Variants in CCDC68 observed in about 807,000 individuals in gnomAD.
CCDC68 encodes the protein coiled-coil domain-containing protein 68.
In CCDC68, 45 loss-of-function variants were observed where a neutral mutation model predicts 47.1. The ratio of observed to expected loss-of-function variants is 0.96; its 90% CI spans 0.75 to 1.23. The LOEUF is 1.23. Among genes scored for constraint, CCDC68 ranks in the 50% most tolerant of loss-of-function variants. The pLI is 0.00. For missense variants in CCDC68, 353 were observed against 373.6 expected (o/e 0.94, Z 0.45); for synonymous variants, 131 against 129.5 (o/e 1.01, Z -0.08).
At chr18:54,914,635 A>G (rs558705509) in intron 10 of CCDC68, among the ~76,000 whole-genome samples, 1 of 152,174 alleles carries the variant, frequency 6.6e-6, no homozygotes, top group South Asian at 2.1e-4. Flanking sequence ...CAAAAAAAGA[A>G]AAAAGAAAAA....
At chr18:54,953,450 T>A (rs2071817810) in intron 1 of CCDC68, among the ~76,000 whole-genome samples, 1 of 152,104 alleles carries the variant, frequency 6.6e-6, no homozygotes, top group African/African-American at 2.4e-5. Context: ...ATTAATTGGA[T>A]TTGTTTTTCT....
chr18:54,934,593 A>T (rs1242907083), intron 7 of CCDC68, among the ~76,000 whole-genome samples: 1 of 152,200 alleles, frequency 6.6e-6, no homozygotes, highest in African/African-American at 2.4e-5. Context: ...TGATGATATG[A>T]CTACAGTATT....
At chr18:54,958,502 T>C (rs2044750127) in intron 1 of CCDC68, among the ~76,000 whole-genome samples, 1 of 152,200 alleles carries the variant, frequency 6.6e-6, no homozygotes, top group South Asian at 2.1e-4. Context: ...TCATCCGAAC[T>C]ATATACACCA....
At chr18:54,946,296 G>A (rs1231987303) in intron 1 of CCDC68, among the ~76,000 whole-genome samples, 2 of 152,272 alleles carry the variant, frequency 1.3e-5, no homozygotes, top group African/African-American at 2.4e-5. Flanking sequence ...GGCAGGCAAC[G>A]CCTAAAATAT....
At position 54,934,855 on chromosome 18, in the gene CCDC68, T is replaced by C; in HGVS notation, c.565A>G (p.Thr189Ala). The C allele has an allele frequency of 6.2e-7, 1 of 1,601,646 alleles. No homozygotes were observed. The highest frequency in any genetic ancestry group is 1.7e-4 in the Middle Eastern group (1 of 6,012). The change falls in exon 7 of 12, where the codon ACA (threonine) becomes GCA (alanine). Residue 189 changes from threonine (T) to alanine (A), a missense_variant. Transcript: ENST00000591504. ...EKLEEKHSQI[T>A]ELENLVQRME... ...CTCTGTACAAGGTTCTCCAATTCTG[T>C]AATTTGACTGTGTTTTTCTTCAAGT...
At chr18:54,937,647 T>C (rs1167900397) in intron 5 of CCDC68, 16 of 227,162 alleles carry the variant, frequency 7.0e-5, no homozygotes, top group Non-Finnish European at 1.3e-4. Context: ...AAGTGTACAG[T>C]ACAGTATTGT....
At chr18:54,907,171 G>C (rs1914061065) in intron 11 of CCDC68, among the ~76,000 whole-genome samples, 1 of 152,096 alleles carries the variant, frequency 6.6e-6, no homozygotes, top group South Asian at 2.1e-4. Context: ...TGAGATTTGA[G>C]CCCAGATTCT....
intron 1 of CCDC68, among the ~76,000 whole-genome samples, chr18:54,955,690 CA>C (rs1003658125): frequency 6.6e-6 from 1 of 152,108 alleles, no homozygotes; most frequent in Admixed American, 6.5e-5. Flanking sequence ...AATGTTCTTG[CA>C]AAGTTAAGAA....
intron 8 of CCDC68, among the ~76,000 whole-genome samples, chr18:54,928,523 T>A (rs1036819665): frequency 2.6e-5 from 4 of 152,142 alleles, no homozygotes; most frequent in African/African-American, 9.7e-5. Context: ...GCTCACTCAC[T>A]CATTCACTCT....
chr18:54,950,625 T>TA (rs1450087161), intron 1 of CCDC68, among the ~76,000 whole-genome samples: 1 of 152,190 alleles, frequency 6.6e-6, no homozygotes, highest in Non-Finnish European at 1.5e-5. Context: ...AGAAAATTCT[T>TA]AGATATAAGA....
At chr18:54,952,007 T>A (rs1283247521) in intron 1 of CCDC68, among the ~76,000 whole-genome samples, 1 of 152,260 alleles carries the variant, frequency 6.6e-6, no homozygotes, top group Admixed American at 6.5e-5. Flanking sequence ...ATGGAGCATC[T>A]GACTTCATGC....
At chr18:54,930,624 C>A (rs2044227834) in intron 7 of CCDC68, among the ~76,000 whole-genome samples, 1 of 28,530 alleles carries the variant, frequency 3.5e-5, no homozygotes, top group Non-Finnish European at 7.1e-5. Flanking sequence ...CCCTTCCCTT[C>A]CCCTCCCTCC....
At chr18:54,927,515 A>T (rs755586200) in intron 8 of CCDC68, among the ~76,000 whole-genome samples, 48 of 152,210 alleles carry the variant, frequency 3.2e-4, no homozygotes, top group Non-Finnish European at 5.9e-4. Context: ...GATGCGTACA[A>T]ATCAGTAGTT....
chr18:54,919,556 T>C (rs759103263), intron 8 of CCDC68, among the ~76,000 whole-genome samples, 180 bp from the exon 9 acceptor site: 16 of 152,242 alleles, frequency 1.1e-4, no homozygotes, highest in Admixed American at 3.3e-4. Flanking sequence ...AAGCGGGCTC[T>C]AATTTGATTG....
chr18:54,931,673 T>C (rs556349714), intron 7 of CCDC68, among the ~76,000 whole-genome samples: 2 of 152,128 alleles, frequency 1.3e-5, no homozygotes, highest in East Asian at 1.9e-4. Flanking sequence ...AAAACAAATA[T>C]GATGTAACAG....
rs2044749256 is a variant in CCDC68 at position 54,958,426 on chromosome 18, T to C, written c.-103+910A>G. ...GAATATTTAATGGCATTAGGTAAAA[T>C]CAAAAGAACAGATTATCTCCTCCCT... On this transcript the variant is annotated intron_variant, in intron 1 of 11. Transcript: ENST00000591504. Among the ~76,000 whole-genome samples, 3 of 152,150 alleles carry C rather than the reference T, an allele frequency of 2.0e-5. No individual in the cohort carries two copies. In the South Asian group the frequency reaches 6.2e-4, roughly 32 times the overall value.
At chr18:54,924,555 G>A (rs1169268851) in intron 8 of CCDC68, among the ~76,000 whole-genome samples, 1 of 152,232 alleles carries the variant, frequency 6.6e-6, no homozygotes, top group African/African-American at 2.4e-5. Context: ...ATCACTGAAG[G>A]AGGGGGAAGA....
intron 1 of CCDC68, among the ~76,000 whole-genome samples, chr18:54,947,226 G>A (rs1418599731): frequency 6.6e-6 from 1 of 152,194 alleles, no homozygotes; most frequent in Non-Finnish European, 1.5e-5. Flanking sequence ...ACTTTTATTT[G>A]TCTTATGCTA....
At position 54,917,943 on chromosome 18, in the gene CCDC68, G is replaced by C. The variant is rs777595559; in HGVS notation, c.843C>G (p.Leu281=). 3.8e-6 allele frequency: 6 copies of C among 1,578,814 alleles called. No individual in the cohort carries two copies. The highest frequency in any genetic ancestry group is 1.1e-5 in the South Asian group (1 of 88,370). The change falls in exon 10 of 12, where the codon CTC becomes CTG. Residue 281 remains leucine, a synonymous_variant. Coordinates refer to ENST00000591504, the MANE Select transcript of CCDC68 (RefSeq NM_025214.3). ...CTTCAAGTATGTTAACCTTTTCTCT[G>C]AGATTTTCAATTCTTTTGTCTTGTT... ...LKEQDKRIEN[L]REKVNILEAQ... is the part of the protein sequence containing the mutation.
Sources: allele counts gnomAD v4.1 joint callset (sites outside exome capture counted in the v4.1 genomes callset), GRCh38; gene constraint gnomAD v4.1.1; transcripts MANE v1.5; gene names NCBI Gene and HGNC (gene_info 2026-07-23, HGNC 2026-07-21).